The following ZYG11B variants were observed in gnomAD, a reference collection of about 807,000 sequenced individuals.
ZYG11B encodes the protein zyg-11 family member B, cell cycle regulator, also known as protein zyg-11 homolog B.
In ZYG11B, 36 loss-of-function variants were observed where a neutral mutation model predicts 82.4. The ratio of observed to expected loss-of-function variants is 0.44; its 90% CI spans 0.33 to 0.58. The LOEUF is 0.58. Ranked by LOEUF, ZYG11B falls within the 20% of genes least tolerant of loss-of-function variation. The pLI is 0.02. For missense variants in ZYG11B, 552 were observed against 895.6 expected, an observed-to-expected ratio of 0.62 and a Z score of 4.90; for synonymous variants, 303 against 312.8, an observed-to-expected ratio of 0.97 and a Z score of 0.33.
intron 3 of ZYG11B, among the ~76,000 whole-genome samples, chr1:52,776,997 G>A (rs908109003): frequency 1.3e-5 from 2 of 152,140 alleles, no homozygotes; most frequent in South Asian, 4.1e-4. Flanking sequence ...ATCATTTGAG[G>A]TCAGGAGTTC....
intron 1 of ZYG11B, among the ~76,000 whole-genome samples, chr1:52,742,893 GGGCAGC>G (rs1644443248): frequency 6.6e-6 from 1 of 151,124 alleles, no homozygotes; most frequent in South Asian, 2.1e-4. Context: ...AAGTTCTGGG[GGGCAGC>G]CCCCGCCCGG....
At chr1:52,773,863 G>A (rs571086398) in intron 3 of ZYG11B, among the ~76,000 whole-genome samples, 2 of 150,904 alleles carry the variant, frequency 1.3e-5, no homozygotes, top group South Asian at 4.2e-4. Context: ...GGCTAGTCTC[G>A]AACTCCTGAG....
At position 52,734,310 on chromosome 1, in the gene ZYG11B, A is replaced by G. The variant is rs572121012; in HGVS notation, c.30+7627A>G. Among the ~76,000 whole-genome samples the G allele has an allele frequency of 5.9e-5, 9 of 152,190 alleles. No homozygotes were observed. The South Asian group carries it at 1.7e-3, about 28-fold the overall frequency. On this transcript the variant is annotated intron_variant, in intron 1 of 13. Coordinates refer to ENST00000294353, the MANE Select transcript of ZYG11B (RefSeq NM_024646.3). ...CCGGCAGACATCAATATTGAATGTA[A>G]TGATGTGAGCCTGTAGATGAATTGG...
intron 1 of ZYG11B, among the ~76,000 whole-genome samples, chr1:52,738,067 A>C (rs914791766): frequency 3.9e-5 from 6 of 152,220 alleles, no homozygotes; most frequent in African/African-American, 1.4e-4. Flanking sequence ...CCCTTTGTAT[A>C]AACACTTGAA....
Position 52,771,852 on chromosome 1 carries a change from C to T in ZYG11B, c.951+78C>T. On this transcript the variant is annotated intron_variant, in intron 3 of 13. Transcript: ENST00000294353. This position sits in a 1 kb window ranked among gnomAD's most constrained non-coding sequence, Gnocchi z 5.4. ...ATAAGACTCTATTAAAGATGAATGT[C>T]TGTAATATATGGAACATGTTCATGA... 7 of 1,479,058 alleles carry T rather than the reference C, an allele frequency of 4.7e-6. No homozygotes were observed. The highest frequency in any genetic ancestry group is 6.4e-6 in the Non-Finnish European group (7 of 1,096,422). The allele number at this position is 1,479,058 out of a possible 1,614,324, so 91.6% of individuals were successfully genotyped here. A position where few individuals can be genotyped will look rare whatever the true frequency, so the allele number is the denominator to read the frequency against.
chr1:52,747,273 C>T lies in ZYG11B; in HGVS notation c.31-9185C>T, dbSNP rs963446990. Among the ~76,000 whole-genome samples the T allele has an allele frequency of 8.6e-5, 13 of 150,590 alleles. 1 individual carries two copies. The South Asian group carries it at 1.5e-3, about 17-fold the overall frequency. ...TGTTTGATTCTTTACTACATTTCAT[C>T]AGTTCTTTTCTGCAAAATATTTTTC... On this transcript the variant is annotated intron_variant, in intron 1 of 13. Coordinates refer to ENST00000294353, the MANE Select transcript of ZYG11B (RefSeq NM_024646.3).
chr1:52,772,081 TATG>T (rs1456479586), intron 3 of ZYG11B: 3 of 774,292 alleles, frequency 3.9e-6, no homozygotes, highest in African/African-American at 1.7e-5. Flanking sequence ...TAGGTTGTCT[TATG>T]ATGATAATGT....
At chr1:52,742,703 G>A (rs1360211763) in intron 1 of ZYG11B, among the ~76,000 whole-genome samples, 2 of 151,730 alleles carry the variant, frequency 1.3e-5, no homozygotes, top group African/African-American at 4.8e-5. Context: ...TTAGCCGGGC[G>A]TGGTTGCAGG....
At chr1:52,741,785 A>G (rs1174265474) in intron 1 of ZYG11B, among the ~76,000 whole-genome samples, 7 of 152,196 alleles carry the variant, frequency 4.6e-5, no homozygotes, top group Non-Finnish European at 2.9e-5. Flanking sequence ...TTCTGGCAAC[A>G]ATCCTATGAC....
chr1:52,740,010 G>A (rs1038191171), intron 1 of ZYG11B, among the ~76,000 whole-genome samples: 15 of 152,360 alleles, frequency 9.8e-5, no homozygotes, highest in African/African-American at 3.4e-4. Context: ...AAACTGAGAA[G>A]TTAATTGACT....
chr1:52,824,163 T>C lies in ZYG11B; in HGVS notation c.*2534T>C, dbSNP rs1045850513. On this transcript the variant is annotated 3_prime_UTR_variant, in exon 14 of 14. Coordinates refer to ENST00000294353, the MANE Select transcript of ZYG11B (RefSeq NM_024646.3). ...AAAAAAAATTAAACTTCCTACTTTT[T>C]TTCTTTTTGTAGAGACAGAGTTTCA... The C allele has an allele frequency of 6.6e-6, 1 of 151,936 alleles. No individual in the cohort carries two copies. Among genetic ancestry groups the C allele is most frequent in the Non-Finnish European group, 1.5e-5 (1 of 67,988 alleles). The allele number at this position is 151,936 out of a possible 1,614,324, so 9.4% of individuals were successfully genotyped here.
In ZYG11B at chr1:52,796,275, C is replaced by G. The variant is rs1233300179; in HGVS notation, c.1335-17C>G. ...GGCCTCCACGATTAATTCATGAAAC[C>G]CTTTTTGTGTTTTCAGGTTTGAAGC... On this transcript the variant is annotated splice_polypyrimidine_tract_variant and intron_variant, in intron 6 of 13. Coordinates refer to ENST00000294353, the MANE Select transcript of ZYG11B (RefSeq NM_024646.3). 6.2e-7 allele frequency: 1 copy of G among 1,605,708 alleles called. No homozygotes were observed. Among genetic ancestry groups the G allele is most frequent in the South Asian group, 1.1e-5 (1 of 90,700 alleles).
chr1:52,803,279 C>CATAT (rs1553262863), intron 10 of ZYG11B, among the ~76,000 whole-genome samples: 2,753 of 68,072 alleles, frequency 0.04, 214 homozygotes, highest in African/African-American at 0.098. Flanking sequence ...CACACACACA[C>CATAT]ATATATATAT....
chr1:52,803,119 C>T (rs1168971012), intron 10 of ZYG11B, among the ~76,000 whole-genome samples: 626 of 54,774 alleles, frequency 0.011, 40 homozygotes, highest in African/African-American at 0.056. Flanking sequence ...TATATATATA[C>T]ACACATATAT....
intron 6 of ZYG11B, among the ~76,000 whole-genome samples, chr1:52,793,891 C>CCTTCCTTA (rs1553261685): frequency 2.0e-5 from 3 of 147,572 alleles, no homozygotes; most frequent in East Asian, 2.0e-4. Flanking sequence ...TTCCTTCCTT[C>CCTTCCTTA]CTTCCTTCCT....
At chr1:52,767,344 G>C (rs1644706421) in intron 2 of ZYG11B, among the ~76,000 whole-genome samples, 1 of 110,192 alleles carries the variant, frequency 9.1e-6, no homozygotes, top group South Asian at 3.1e-4. Context: ...CGCTCTTGTT[G>C]CCCAAGCCGG....
At chr1:52,734,518 C>T (rs1240073287) in intron 1 of ZYG11B, among the ~76,000 whole-genome samples, 24 of 150,632 alleles carry the variant, frequency 1.6e-4, no homozygotes, top group Admixed American at 1.5e-3. Flanking sequence ...GGTGTGGTAG[C>T]GCATGCCTGT....
intron 1 of ZYG11B, among the ~76,000 whole-genome samples, chr1:52,735,280 C>T (rs12032324): frequency 0.37 from 55,732 of 151,540 alleles, 11,924 homozygotes; most frequent in East Asian, 0.59. Context: ...CCGCCTGCCT[C>T]GGCCTCCCAG....
At chr1:52,814,445 A>G (rs1645207611) in intron 12 of ZYG11B, among the ~76,000 whole-genome samples, 1 of 152,262 alleles carries the variant, frequency 6.6e-6, no homozygotes, top group Admixed American at 6.5e-5. Context: ...TGCTCTTGAA[A>G]TACAAAAATG....
Sources: allele counts gnomAD v4.1 joint callset (sites outside exome capture counted in the v4.1 genomes callset), GRCh38; gene constraint gnomAD v4.1.1; non-coding constraint Gnocchi (gnomAD v3.1); transcripts MANE v1.5; gene names NCBI Gene and HGNC (gene_info 2026-07-23, HGNC 2026-07-21).